DMD: variants seen among roughly 807,000 people sequenced by gnomAD.
DMD encodes the protein dystrophin, also known as mutant dystrophin.
Under a neutral mutation model 330.1 loss-of-function variants are expected in DMD, and 63 were observed. That is an observed-to-expected ratio of 0.19 (90% CI 0.16 to 0.24). The LOEUF is 0.24. Ranked by LOEUF, DMD falls within the 10% of genes least tolerant of loss-of-function variation. The pLI is 1.00. For synonymous variants in DMD, 1,223 were observed against 959.8 expected (o/e 1.27, Z -5.07); for missense variants, 3,344 against 2,684.1 (o/e 1.25, Z -5.43).
chrX:31,730,623 T>A (rs764258511), intron 51 of DMD, among the ~76,000 whole-genome samples: 1 of 111,511 alleles, frequency 9.0e-6, no homozygotes. Flanking sequence ...GAGGTATTTA[T>A]GAAGAAATTT....
At chrX:31,834,479 G>A (rs1015268791) in intron 49 of DMD, among the ~76,000 whole-genome samples, 1 of 111,441 alleles carries the variant, frequency 9.0e-6, no homozygotes, top group Non-Finnish European at 1.9e-5. Context: ...CGCTCGTGTC[G>A]CCCAGGCTGG....
At chrX:33,091,484 T>G (rs1346928622) in intron 1 of DMD, among the ~76,000 whole-genome samples, 1 of 112,097 alleles carries the variant, frequency 8.9e-6, no homozygotes, top group Non-Finnish European at 1.9e-5. Context: ...TTTATCAGAC[T>G]GACAAAGGAT....
At chrX:32,778,243 CAAAA>C (rs35311570) in intron 7 of DMD, among the ~76,000 whole-genome samples, 1 of 67,660 alleles carries the variant, frequency 1.5e-5, no homozygotes. Flanking sequence ...CAGATCCTCG[CAAAA>C]AAAAAAAAAA....
At chrX:33,167,486 C>T (rs774871621) in intron 1 of DMD, among the ~76,000 whole-genome samples, 10 of 111,109 alleles carry the variant, frequency 9.0e-5, no homozygotes, top group Admixed American at 7.7e-4. Context: ...AATTGAATCA[C>T]ATATTCTAAT....
At chrX:31,251,572 A>G (rs1002527889) in intron 63 of DMD, among the ~76,000 whole-genome samples, 2 of 111,941 alleles carry the variant, frequency 1.8e-5, no homozygotes, top group African/African-American at 6.5e-5. Context: ...ATGTCATAAG[A>G]GAGACTTTCA....
chrX:33,322,269 T>C (rs891988598), intron 1 of DMD, among the ~76,000 whole-genome samples: 1 of 110,412 alleles, frequency 9.1e-6, no homozygotes, highest in African/African-American at 3.3e-5. Context: ...AGATGAGACA[T>C]GTGAGACTCT....
chrX:32,266,627 G>T (rs1223169931), intron 43 of DMD, among the ~76,000 whole-genome samples: 3 of 111,332 alleles, frequency 2.7e-5, no homozygotes, highest in East Asian at 5.6e-4. Context: ...AATGGAAAAC[G>T]TTTCATATTT....
At chrX:32,478,377 A>G (rs1268960041) in intron 21 of DMD, among the ~76,000 whole-genome samples, 3 of 111,704 alleles carry the variant, frequency 2.7e-5, no homozygotes, top group Non-Finnish European at 5.7e-5. Context: ...CTCATTCCCC[A>G]TGATCAATCT....
intron 66 of DMD, 150 bp downstream of exon 66, chrX:31,206,432 C>T: frequency 1.9e-6 from 1 of 528,678 alleles, no homozygotes; most frequent in Non-Finnish European, 3.2e-6. Flanking sequence ...AGGAATGGCA[C>T]AAACCAAATT....
chrX:32,631,844 G>C (rs1466893327), intron 11 of DMD, among the ~76,000 whole-genome samples: 1 of 111,208 alleles, frequency 9.0e-6, no homozygotes, highest in Non-Finnish European at 1.9e-5. Flanking sequence ...CTGACAGTGA[G>C]GATTGTAATT....
At chrX:32,815,556 G>A (rs1285725359) in intron 6 of DMD, among the ~76,000 whole-genome samples, 2 of 94,803 alleles carry the variant, frequency 2.1e-5, no homozygotes, top group Non-Finnish European at 4.0e-5. Context: ...CATATATAGA[G>A]TATAAATGGT....
chrX:32,391,813 T>G (rs770072147), intron 30 of DMD, among the ~76,000 whole-genome samples: 8 of 111,871 alleles, frequency 7.2e-5, no homozygotes, highest in African/African-American at 2.6e-4. Flanking sequence ...GGAGTTGATG[T>G]TAAAGTAGAA....
intron 41 of DMD, among the ~76,000 whole-genome samples, chrX:32,335,744 T>C (rs908907811): frequency 1.2e-5 from 1 of 82,128 alleles, no homozygotes; most frequent in African/African-American, 4.1e-5. Flanking sequence ...AGAACATGTG[T>C]ATATAGGCAT....
intron 1 of DMD, among the ~76,000 whole-genome samples, chrX:33,078,847 G>A (rs1046568930): frequency 9.0e-6 from 1 of 111,442 alleles, no homozygotes; most frequent in African/African-American, 3.3e-5. Context: ...CAGAATTATA[G>A]AAGTTTCCCA....
At chrX:31,867,132 C>G (rs2093813106) in intron 48 of DMD, among the ~76,000 whole-genome samples, 1 of 106,236 alleles carries the variant, frequency 9.4e-6, no homozygotes, top group Admixed American at 1.0e-4. Flanking sequence ...AATTGCAAAA[C>G]AATTATTTCG....
intron 1 of DMD, 151 bp from the exon 2 acceptor site, chrX:33,020,351 G>A (rs1301486792): frequency 2.2e-6 from 1 of 448,703 alleles, no homozygotes; most frequent in African/African-American, 2.4e-5. Flanking sequence ...CATGAGTGAT[G>A]CTGGTTTGGG....
chrX:33,314,579 T>TG (rs1286263233), intron 1 of DMD, among the ~76,000 whole-genome samples: 15 of 99,683 alleles, frequency 1.5e-4, no homozygotes, highest in Admixed American at 2.2e-4. Context: ...TGTTTTTTTT[T>TG]TTTTTTTTAT....
At chrX:32,238,369 G>C (rs1210576948) in intron 43 of DMD, among the ~76,000 whole-genome samples, 1 of 110,221 alleles carries the variant, frequency 9.1e-6, no homozygotes, top group Admixed American at 9.8e-5. Context: ...CTTTGCAGGA[G>C]GCCTTAGTTT....
chrX:33,211,991 CAA>C (rs763519865), upstream of DMD, among the ~76,000 whole-genome samples: 23 of 111,885 alleles, frequency 2.1e-4, no homozygotes, highest in Non-Finnish European at 4.3e-4. Context: ...CACTGTCTAC[CAA>C]AGTTATTTTT....
Sources: allele counts gnomAD v4.1 joint callset (sites outside exome capture counted in the v4.1 genomes callset), GRCh38; gene constraint gnomAD v4.1.1; transcripts MANE v1.5; gene names NCBI Gene and HGNC (gene_info 2026-07-23, HGNC 2026-07-21).